The following PHEX variants were observed in gnomAD, a reference collection of about 807,000 sequenced individuals.
The protein encoded by PHEX is phosphate regulating endopeptidase X-linked, also known as phosphate-regulating neutral endopeptidase PHEX.
In PHEX, 16 loss-of-function variants were observed where a neutral mutation model predicts 68.0. The ratio of observed to expected loss-of-function variants is 0.24; its 90% CI spans 0.16 to 0.36. PHEX has a LOEUF of 0.36. Among genes scored for constraint, PHEX ranks in the 10% least tolerant of loss-of-function variants. PHEX has a pLI of 1.00. For synonymous variants in PHEX, 208 were observed against 205.1 expected (o/e 1.01, Z -0.12); for missense variants, 480 against 575.5 (o/e 0.83, Z 1.70).
rs772441237 is a variant in PHEX at position 22,245,546 on chromosome X, C to T, written c.2147+137C>T. Reference sequence around the variant, plus strand: ...TTGTGGACGTGTGATTTCCATTTTGCAGCCAAAAAATATCTGGCCACACGG... The same window carrying T: ...TTGTGGACGTGTGATTTCCATTTTGTAGCCAAAAAATATCTGGCCACACGG... On this transcript the variant is annotated intron_variant, in intron 21 of 21. Coordinates refer to ENST00000379374, the MANE Select transcript of PHEX (RefSeq NM_000444.6). 1.5e-5 allele frequency: 8 copies of T among 523,827 alleles called. No individual in the cohort carries two copies. The South Asian group carries it at 2.1e-4, about 14-fold the overall frequency. The allele number at this position is 523,827 out of a possible 1,213,427, so 43.2% of individuals were successfully genotyped here. A position where few individuals can be genotyped will look rare whatever the true frequency, so the allele number is the denominator to read the frequency against.
intron 15 of PHEX, among the ~76,000 whole-genome samples, chrX:22,192,194 T>C (rs1934219805): frequency 9.0e-6 from 1 of 111,520 alleles, no homozygotes; most frequent in African/African-American, 3.3e-5. Context: ...TTCTCTTCTC[T>C]CCATCTTTGC....
Position 22,185,268 on chromosome X carries a change from CTGTT to C in PHEX, c.1587-5174_1587-5171del, listed in dbSNP as rs1265754029. 2.7e-5 allele frequency among the ~76,000 whole-genome samples: 3 copies of C among 112,179 alleles called. 1 individual carries two copies. Among genetic ancestry groups the C allele is most frequent in the Non-Finnish European group, 5.6e-5 (3 of 53,226 alleles). On this transcript the variant is annotated intron_variant, in intron 14 of 21. Transcript: ENST00000379374. ...ATTTAAAGCACTTGAATGATATTCT[CTGTT>C]TATTGAAGTGGATGTATACATGCAA... is the stretch of plus-strand genomic sequence containing the variant.
Position 22,214,439 on chromosome X carries a change from AG to A in PHEX, c.1700+1482del, listed in dbSNP as rs775100579. Among the ~76,000 whole-genome samples the A allele has an allele frequency of 8.7e-5, 8 of 91,595 alleles. No homozygotes were observed. The South Asian group carries it at 3.4e-3, about 39-fold the overall frequency. The allele number at this position is 91,595 out of a possible 115,157, so 79.5% of individuals were successfully genotyped here. ...AACATATTCACAGGTTCCAAAGATT[AG>A]CAATATGGACATCTTTTGTAGGCCA... is the stretch of plus-strand genomic sequence containing the variant. On this transcript the variant is annotated intron_variant, in intron 16 of 21. Coordinates refer to ENST00000379374, the MANE Select transcript of PHEX (RefSeq NM_000444.6).
intron 12 of PHEX, among the ~76,000 whole-genome samples, chrX:22,154,122 C>T (rs767158512): frequency 9.1e-6 from 1 of 109,940 alleles, no homozygotes; most frequent in African/African-American, 3.4e-5. Context: ...TGTGTACCCA[C>T]AAAAATTAAA....
chrX:22,200,541 G>A (rs1454326952), intron 15 of PHEX, among the ~76,000 whole-genome samples: 1 of 111,188 alleles, frequency 9.0e-6, no homozygotes, highest in Admixed American at 9.6e-5. Flanking sequence ...CCCGGGAGGC[G>A]GAGGTTGCAG....
chrX:22,199,155 A>C (rs5951723), intron 15 of PHEX, among the ~76,000 whole-genome samples: 29,031 of 110,267 alleles, frequency 0.26, 5,107 homozygotes, highest in African/African-American at 0.63. Flanking sequence ...CAGCCTAACC[A>C]TATCAACTTC....
rs140200377 is a variant in PHEX, at chrX:22,110,351, G to A, written c.1080-1116G>A. ...AACATTGAATACATGTGAGCTATGC[G>A]TACATTTAAGAAAGACAAATAAAAG... On this transcript the variant is annotated intron_variant, in intron 9 of 21. Coordinates refer to ENST00000379374, the MANE Select transcript of PHEX (RefSeq NM_000444.6). Among the ~76,000 whole-genome samples, 902 of 112,245 alleles carry A rather than the reference G, an allele frequency of 8.0e-3. 11 individuals are homozygous for A. The highest frequency in any genetic ancestry group is 0.028 in the African/African-American group (854 of 30,947).
At chrX:22,051,687 T>C (rs1391989111) in intron 3 of PHEX, among the ~76,000 whole-genome samples, 2 of 111,964 alleles carry the variant, frequency 1.8e-5, no homozygotes, top group Non-Finnish European at 3.8e-5. Context: ...CTACATTTGT[T>C]CTATTATATA....
chrX:22,218,746 G>A (rs903772106), intron 16 of PHEX, among the ~76,000 whole-genome samples: 1 of 112,212 alleles, frequency 8.9e-6, no homozygotes, highest in Non-Finnish European at 1.9e-5. Flanking sequence ...TCTTAAGGCT[G>A]AAAGGGACTT....
chrX:22,167,491 C>CTTTTTTTTTTTTT (rs1164658740), intron 12 of PHEX, among the ~76,000 whole-genome samples: 1 of 84,108 alleles, frequency 1.2e-5, no homozygotes, highest in African/African-American at 4.7e-5. Context: ...TTTTTAATTT[C>CTTTTTTTTTTTTT]TTTTTTTTTT....
In PHEX at chrX:22,248,913, A is replaced by AGAAAAT. The variant is rs1936471033; in HGVS notation, c.*960_*961insGAAAAT. The AGAAAAT allele has an allele frequency of 9.4e-6, 1 of 106,003 alleles. No homozygotes were observed. Among genetic ancestry groups the AGAAAAT allele is most frequent in the South Asian group, 4.0e-4 (1 of 2,500 alleles). 8.7% of individuals were successfully genotyped at this position (106,003 alleles called of 1,213,427 possible). On this transcript the variant is annotated 3_prime_UTR_variant, in exon 22 of 22. Transcript: ENST00000379374. ...AATTTTCTGATTCCCCATTAGGAAC[A>AGAAAAT]TATGATTTTCATTTCCCTTTAGTGC...
chrX:22,201,369 G>C (rs1292704817), intron 15 of PHEX, among the ~76,000 whole-genome samples: 1 of 110,995 alleles, frequency 9.0e-6, no homozygotes, highest in Non-Finnish European at 1.9e-5. Context: ...ATTTTTATTA[G>C]AGACAGGAGT....
intron 3 of PHEX, among the ~76,000 whole-genome samples, chrX:22,050,232 A>C (rs1026742517): frequency 8.9e-6 from 1 of 112,438 alleles, no homozygotes; most frequent in African/African-American, 3.2e-5. Flanking sequence ...TTATTAGTTG[A>C]TAGCTCCTTG....
chrX:22,155,451 G>A (rs1031872616), intron 12 of PHEX, among the ~76,000 whole-genome samples: 2 of 112,379 alleles, frequency 1.8e-5, no homozygotes, highest in African/African-American at 3.2e-5. Flanking sequence ...ACAACTGGAG[G>A]AGGATTAAGT....
At chrX:22,110,546 C>T (rs1259445506) in intron 9 of PHEX, among the ~76,000 whole-genome samples, 1 of 110,204 alleles carries the variant, frequency 9.1e-6, no homozygotes, top group Non-Finnish European at 1.9e-5. Flanking sequence ...TGGTGTGCTG[C>T]ACCCATTAAC....
intron 20 of PHEX, among the ~76,000 whole-genome samples, chrX:22,231,835 T>C (rs1427134205): frequency 2.7e-5 from 3 of 112,148 alleles, no homozygotes; most frequent in African/African-American, 9.7e-5. Context: ...TGCTCTTGCT[T>C]CTCTGGTTCT....
intron 20 of PHEX, among the ~76,000 whole-genome samples, chrX:22,243,385 G>A (rs1936290085): frequency 8.9e-6 from 1 of 111,912 alleles, no homozygotes; most frequent in Admixed American, 9.5e-5. Flanking sequence ...AGGACTTTAT[G>A]TCTAAAACAC....
chrX:22,183,151 A>G lies in PHEX; in HGVS notation c.1586+4775A>G, dbSNP rs1933931140. Among the ~76,000 whole-genome samples, 3 of 108,942 alleles carry G rather than the reference A, an allele frequency of 2.8e-5. No individual in the cohort carries two copies. In the Admixed American group the frequency reaches 2.9e-4, roughly 11 times the overall value. The allele number at this position is 108,942 out of a possible 115,157, so 94.6% of individuals were successfully genotyped here. On this transcript the variant is annotated intron_variant, in intron 14 of 21. Coordinates refer to ENST00000379374, the MANE Select transcript of PHEX (RefSeq NM_000444.6). ...TCTAGATCTTTGACTGGCTGTTTTT[A>G]TGCTGCCTAGTCTTTTGCTACTCTC...
chrX:22,118,228 A>G (rs1032056984), intron 11 of PHEX, among the ~76,000 whole-genome samples: 9 of 104,163 alleles, frequency 8.6e-5, no homozygotes, highest in African/African-American at 3.2e-4. Flanking sequence ...TGTTTGGGGT[A>G]GGACCCAAGA....
Sources: gnomAD v4.1 joint callset for allele counts (sites outside exome capture counted in the v4.1 genomes callset) on GRCh38, gnomAD v4.1.1 for gene constraint, MANE v1.5 for transcripts, NCBI Gene and HGNC (gene_info 2026-07-23, HGNC 2026-07-21) for gene names.